RYR1: variants seen among roughly 807,000 people sequenced by gnomAD.
RYR1 encodes the protein ryanodine receptor 1.
RYR1 carries 342 observed loss-of-function variants against 583.5 expected under a neutral mutation model. The observed-to-expected ratio is 0.59, with a 90% CI of 0.54 to 0.64. The LOEUF (loss-of-function observed/expected upper bound fraction) is 0.64, where lower values mean the gene tolerates loss of function less well. RYR1 is among the 30% of genes least tolerant of loss of function. The pLI is 0.00. For synonymous variants in RYR1, 2,791 were observed against 2,822.5 expected (o/e 0.99, Z 0.35); for missense variants, 6,032 against 6,917.2 (o/e 0.87, Z 4.54).
In RYR1 at chr19:38,511,933, G is replaced by C. The variant is rs1025341852; in HGVS notation, c.9173-139G>C. 7.5e-5 allele frequency: 77 copies of C among 1,028,652 alleles called. No individual in the cohort carries two copies. In the Middle Eastern group the frequency reaches 1.3e-3, roughly 18 times the overall value. The allele number at this position is 1,028,652 out of a possible 1,614,324, so 63.7% of individuals were successfully genotyped here. A position where few individuals can be genotyped will look rare whatever the true frequency, so the allele number is the denominator to read the frequency against. On this transcript the variant is annotated intron_variant, in intron 61 of 105. Coordinates refer to ENST00000359596, the MANE Select transcript of RYR1 (RefSeq NM_000540.3). ...CATTTGGAGGCGCTGTAGGAGTCTG[G>C]GGGGGTGGGGGTGCAGTAGCATTCC...
intron 78 of RYR1, among the ~76,000 whole-genome samples, chr19:38,534,193 A>C (rs969238672): frequency 1.3e-5 from 2 of 151,782 alleles, no homozygotes; most frequent in African/African-American, 4.8e-5. Context: ...TTGTATTTTT[A>C]GTAGAGGCGG....
chr19:38,581,963 T>C (rs1157517656), intron 101 of RYR1, among the ~76,000 whole-genome samples: 2 of 152,174 alleles, frequency 1.3e-5, no homozygotes, highest in African/African-American at 2.4e-5. Flanking sequence ...AGCGTGCCCC[T>C]GCCACTTATG....
intron 7 of RYR1, among the ~76,000 whole-genome samples, chr19:38,445,563 G>A (rs1036623037): frequency 6.6e-6 from 1 of 152,044 alleles, no homozygotes; most frequent in Non-Finnish European, 1.5e-5. Flanking sequence ...CTCAGACCCT[G>A]AAACTCAGAC....
Position 38,506,387 on chromosome 19 carries a change from C to T in RYR1, c.8616+10C>T, listed in dbSNP as rs764987796. ...GTCCCGGGAGCTGCAGGTGAGAGCC[C>T]TGATCCTTTTGGGGGGACATAGGGT... On this transcript the variant is annotated intron_variant, in intron 55 of 105. Transcript: ENST00000359596. 1 of 1,613,688 alleles carries T rather than the reference C, an allele frequency of 6.2e-7. No individual in the cohort carries two copies. The highest frequency in any genetic ancestry group is 1.7e-5 in the Admixed American group (1 of 59,960).
At chr19:38,474,568 T>TG (rs1737236508) in intron 28 of RYR1, among the ~76,000 whole-genome samples, 1 of 121,624 alleles carries the variant, frequency 8.2e-6, no homozygotes, top group Non-Finnish European at 1.8e-5. Context: ...CGGCTCCTTT[T>TG]TTTTTTTTTT....
chr19:38,497,873 C>T lies in RYR1; in HGVS notation c.6891+919C>T, dbSNP rs1008932972. On this transcript the variant is annotated intron_variant, in intron 42 of 105. Coordinates refer to ENST00000359596, the MANE Select transcript of RYR1 (RefSeq NM_000540.3). ...ACTGTAGTCCCAGCTACTCAGGAGG[C>T]TAAGGTGGGAGGATTTGATAGAGCC... Among the ~76,000 whole-genome samples, 87 of 151,864 alleles carry T rather than the reference C, an allele frequency of 5.7e-4. 1 individual carries two copies. The highest frequency in any genetic ancestry group is 2.0e-3 in the African/African-American group (82 of 41,260).
chr19:38,484,590 A>G (rs1969189494), intron 33 of RYR1, among the ~76,000 whole-genome samples: 1 of 152,122 alleles, frequency 6.6e-6, no homozygotes, highest in Non-Finnish European at 1.5e-5. Flanking sequence ...ATGCTTGTAC[A>G]TAACTCAGGA....
chr19:38,467,197 T>G (rs1014811073), intron 24 of RYR1, among the ~76,000 whole-genome samples: 2 of 152,072 alleles, frequency 1.3e-5, no homozygotes, highest in African/African-American at 4.8e-5. Context: ...ACCTTCAGTT[T>G]CTCAACTCTT....
At chr19:38,544,217 T>A (rs1972329363) in intron 87 of RYR1, among the ~76,000 whole-genome samples, 1 of 152,184 alleles carries the variant, frequency 6.6e-6, no homozygotes, top group South Asian at 2.1e-4. Flanking sequence ...TGGGCTAGGA[T>A]GGGGCTGGTT....
chr19:38,485,443 T>G, intron 33 of RYR1, 147 bp from the exon 34 acceptor site: 3 of 1,100,222 alleles, frequency 2.7e-6, no homozygotes, highest in Non-Finnish European at 2.7e-6. Context: ...GATGGGTGAA[T>G]TGATAGATGG....
chr19:38,509,587 G>A (rs921420331), intron 58 of RYR1, among the ~76,000 whole-genome samples: 1 of 151,824 alleles, frequency 6.6e-6, no homozygotes, highest in African/African-American at 2.4e-5. Context: ...GAGTAGCTGG[G>A]ACTACAGGCG....
At chr19:38,435,934 G>A (rs1306673746) in intron 1 of RYR1, among the ~76,000 whole-genome samples, 1 of 152,102 alleles carries the variant, frequency 6.6e-6, no homozygotes, top group Non-Finnish European at 1.5e-5. Context: ...TTGAGATGGA[G>A]TTTCACTCTT....
chr19:38,586,156 TCA>T lies in RYR1; in HGVS notation c.14938_14939del (p.Thr4980AlafsTer21), dbSNP rs1568613455. On this transcript the variant is annotated frameshift_variant, in exon 104 of 106. Transcript: ENST00000359596. LOFTEE classifies it high-confidence loss of function. ...FDTTPHGFETHTLEEHNLANY... is the reference protein window; with the variant it reads ...FDTTPHGFETXTLEEHNLANY... ...ATACGACACCGCATGGCTTCGAGAC[TCA>T]CACGCTGGAGGAGCACAACCTGGCC... 4 of 1,613,922 alleles carry T rather than the reference TCA, an allele frequency of 2.5e-6. No individual in the cohort carries two copies. The highest frequency in any genetic ancestry group is 3.3e-5 in the Admixed American group (2 of 59,960).
chr19:38,542,659 C>T (rs1390889339), intron 84 of RYR1, among the ~76,000 whole-genome samples: 1 of 151,784 alleles, frequency 6.6e-6, no homozygotes. Context: ...GCTGGGATTA[C>T]AGGCACATGC....
Position 38,537,978 on chromosome 19 carries a change from G to A in RYR1, c.11689+18G>A. ...CAATAATGGTGAGGAGGAGGGGTGT[G>A]GGGTGGAGGGGAAGCCGAGGTTTGG... On this transcript the variant is annotated intron_variant, in intron 84 of 105. Coordinates refer to ENST00000359596, the MANE Select transcript of RYR1 (RefSeq NM_000540.3). 6.3e-7 allele frequency: 1 copy of A among 1,589,278 alleles called. No individual in the cohort carries two copies.
At chr19:38,560,616 C>T (rs1214764136) in intron 89 of RYR1, among the ~76,000 whole-genome samples, 1 of 149,550 alleles carries the variant, frequency 6.7e-6, no homozygotes, top group Non-Finnish European at 1.5e-5. Flanking sequence ...GTAATCCCAG[C>T]TGCTCAGGAG....
In RYR1 at chr19:38,512,375, G is replaced by C. The variant is rs772244889; in HGVS notation, c.9364G>C (p.Val3122Leu). The part of the protein sequence containing the change: ...LGKVSQARTQ[V>L]KGVGQNLTYT... ...CAAGGTGTCGCAGGCGCGCACCCAG[G>C]TGAAAGGCGTGGGCCAGAACCTCAC... is the stretch of plus-strand genomic sequence containing the variant. Residue 3122 changes from valine to leucine, a missense_variant, in exon 63 of 106, where the codon GTG becomes CTG. Val to Leu is a conservative substitution (Grantham distance 32, BLOSUM62 1). Coordinates refer to ENST00000359596, the MANE Select transcript of RYR1 (RefSeq NM_000540.3). The surrounding 1 kb of genome is among the most constrained non-coding windows in gnomAD (Gnocchi z 5.1). The C allele has an allele frequency of 4.3e-6, 7 of 1,613,926 alleles. No homozygotes were observed. The highest frequency in any genetic ancestry group is 3.4e-6 in the Non-Finnish European group (4 of 1,180,036).
At position 38,561,259 on chromosome 19, in the gene RYR1, G is replaced by A. The variant is rs112288982; in HGVS notation, c.12429G>A (p.Ala4143=). Residue 4143 remains alanine (A), a synonymous_variant, in exon 90 of 106, where the codon GCG becomes GCA. Transcript: ENST00000359596. The surrounding 1 kb of genome is among the most constrained non-coding windows in gnomAD (Gnocchi z 4.8). Reference sequence around the variant, plus strand: ...CACGCGACATCGGCTTCAACGTGGCGGTGCTGCTGACCAACCTGTCGGAGC... The same window carrying A: ...CACGCGACATCGGCTTCAACGTGGCAGTGCTGCTGACCAACCTGTCGGAGC... ...EPARDIGFNV[A]VLLTNLSEHV... is the part of the protein sequence containing the mutation. 22 of 1,614,040 alleles carry A rather than the reference G, an allele frequency of 1.4e-5. No homozygotes were observed. The highest frequency in any genetic ancestry group is 1.1e-4 in the African/African-American group (8 of 75,072).
intron 98 of RYR1, 30 bp from the exon 99 acceptor site, chr19:38,578,114 A>C: frequency 1.2e-6 from 2 of 1,613,088 alleles, no homozygotes; most frequent in Non-Finnish European, 1.7e-6. Flanking sequence ...TCTGACACTC[A>C]AGCATCTCTC....
Sources: allele counts gnomAD v4.1 joint callset (sites outside exome capture counted in the v4.1 genomes callset), GRCh38; gene constraint gnomAD v4.1.1; non-coding constraint Gnocchi (gnomAD v3.1); transcripts MANE v1.5; gene names NCBI Gene and HGNC (gene_info 2026-07-23, HGNC 2026-07-21).